Variants in TC2N observed in about 807,000 individuals in gnomAD.
The protein encoded by TC2N is tandem C2 domains nuclear protein.
TC2N carries 51 observed loss-of-function variants against 61.9 expected under a neutral mutation model. The ratio of observed to expected loss-of-function variants is 0.82; its 90% CI spans 0.66 to 1.04. TC2N has a LOEUF of 1.04. Ranked by LOEUF, TC2N falls within the 50% of genes least tolerant of loss-of-function variation. The probability of loss-of-function intolerance (pLI) is 0.00; values close to 1 mark genes in which losing one functional copy is unlikely to be tolerated. For synonymous variants in TC2N, 204 were observed against 192.6 expected, an observed-to-expected ratio of 1.06 and a Z score of -0.49; for missense variants, 556 against 566.7, an observed-to-expected ratio of 0.98 and a Z score of 0.19.
intron 1 of TC2N, among the ~76,000 whole-genome samples, chr14:91,823,793 C>T (rs1004093101): frequency 2.0e-5 from 3 of 152,120 alleles, no homozygotes; most frequent in Non-Finnish European, 2.9e-5. Flanking sequence ...TAAAAGTATA[C>T]TGCCTATGTT....
intron 1 of TC2N, among the ~76,000 whole-genome samples, chr14:91,821,858 T>G (rs1271850011): frequency 6.6e-6 from 1 of 151,884 alleles, no homozygotes; most frequent in East Asian, 1.9e-4. Context: ...GAAAAGACAC[T>G]TCTCCAAAAA....
At chr14:91,828,693 T>C (rs1368157896) in intron 1 of TC2N, among the ~76,000 whole-genome samples, 1 of 152,076 alleles carries the variant, frequency 6.6e-6, no homozygotes, top group African/African-American at 2.4e-5. Flanking sequence ...CAATAGAGTT[T>C]ATCATAATAG....
chr14:91,802,181 C>T, intron 4 of TC2N, 73 bp downstream of exon 4: 106 of 1,309,698 alleles, frequency 8.1e-5, no homozygotes, highest in South Asian at 3.1e-4. Context: ...TCATTTATTC[C>T]CATATCTTAC....
chr14:91,787,417 C>G, intron 10 of TC2N, 96 bp downstream of exon 10: 1 of 669,740 alleles, frequency 1.5e-6, no homozygotes, highest in Non-Finnish European at 2.4e-6. Flanking sequence ...ATAAAAGTTA[C>G]TAAGATTTTA....
intron 3 of TC2N, among the ~76,000 whole-genome samples, chr14:91,809,668 T>G (rs900026774): frequency 2.6e-5 from 4 of 152,148 alleles, no homozygotes; most frequent in African/African-American, 9.7e-5. Context: ...GCAGGGTATA[T>G]AAAACCCCAA....
In TC2N at chr14:91,802,536, CAT is replaced by C; in HGVS notation, c.302-117_302-116del. 5 of 862,560 alleles carry C rather than the reference CAT, an allele frequency of 5.8e-6. No individual in the cohort carries two copies. In the South Asian group the frequency reaches 8.1e-5, roughly 14 times the overall value. The allele number at this position is 862,560 out of a possible 1,614,324, so 53.4% of individuals were successfully genotyped here. ...TTTTGTCTCAAGTAATACTAAATCA[CAT>C]GTCTTTGATAGCTAAAAAGATCAGC... On this transcript the variant is annotated intron_variant, in intron 3 of 11. Transcript: ENST00000435962.
chr14:91,798,526 T>A, intron 6 of TC2N, 127 bp from the exon 7 acceptor site: 1 of 617,712 alleles, frequency 1.6e-6, no homozygotes, highest in Non-Finnish European at 2.8e-6. Context: ...AAGTTCACAA[T>A]CTAAGAAGAC....
intron 1 of TC2N, among the ~76,000 whole-genome samples, chr14:91,856,081 G>A (rs538231911): frequency 1.3e-5 from 2 of 152,156 alleles, no homozygotes; most frequent in Admixed American, 6.5e-5. Flanking sequence ...GTGGAGAGAT[G>A]AGCATGAAAG....
In TC2N at chr14:91,837,219, A is replaced by G. The variant is rs146045973; in HGVS notation, c.-56-23394T>C. Among the ~76,000 whole-genome samples, 80 of 152,222 alleles carry G rather than the reference A, an allele frequency of 5.3e-4. No individual in the cohort carries two copies. The East Asian group carries it at 0.013, about 25-fold the overall frequency. On this transcript the variant is annotated intron_variant, in intron 1 of 11. Transcript: ENST00000435962. The surrounding 1 kb of genome is among the most constrained non-coding windows in gnomAD (Gnocchi z 4.2). The stretch of plus-strand genomic sequence containing the variant: ...ACTGTCTGATGAAGAATGGCTTAGC[A>G]TTTTTTGTTTGTTTTGTTTTGACAG...
intron 1 of TC2N, among the ~76,000 whole-genome samples, chr14:91,850,215 C>T (rs934516201): frequency 8.6e-5 from 13 of 151,990 alleles, no homozygotes; most frequent in African/African-American, 2.9e-4. Context: ...AATTGTTGCC[C>T]TAGCAACCTC....
intron 1 of TC2N, among the ~76,000 whole-genome samples, chr14:91,853,310 G>A (rs1888411397): frequency 6.6e-6 from 1 of 152,214 alleles, no homozygotes; most frequent in Non-Finnish European, 1.5e-5. Context: ...TAATGAAGGT[G>A]AGAGAGGAAG....
chr14:91,794,463 G>T (rs558031877), intron 8 of TC2N, among the ~76,000 whole-genome samples: 38 of 152,242 alleles, frequency 2.5e-4, no homozygotes, highest in Admixed American at 1.4e-3. Context: ...CTTGTTAGGG[G>T]CTAATGCAAT....
At chr14:91,813,118 T>C (rs1473099536) in intron 2 of TC2N, among the ~76,000 whole-genome samples, 3 of 151,724 alleles carry the variant, frequency 2.0e-5, no homozygotes, top group African/African-American at 7.3e-5. Flanking sequence ...TACTCAAATA[T>C]ACTATGAAGC....
intron 1 of TC2N, among the ~76,000 whole-genome samples, chr14:91,862,841 T>A (rs922403555): frequency 6.6e-6 from 1 of 152,194 alleles, no homozygotes; most frequent in African/African-American, 2.4e-5. Context: ...TTTAATCTCA[T>A]TGAAGGCCCT....
At chr14:91,848,170 C>G (rs1888305078) in intron 1 of TC2N, among the ~76,000 whole-genome samples, 1 of 152,140 alleles carries the variant, frequency 6.6e-6, no homozygotes, top group African/African-American at 2.4e-5. Context: ...CAGGCCTATC[C>G]CTTAAATTGA....
In TC2N at chr14:91,799,016, T is replaced by C; in HGVS notation, c.610A>G (p.Asn204Asp). The C allele has an allele frequency of 6.2e-7, 1 of 1,600,312 alleles. No individual in the cohort carries two copies. Among genetic ancestry groups the C allele is most frequent in the Non-Finnish European group, 8.5e-7 (1 of 1,174,040 alleles). ...SVPSSSSSRK[N>D]SQGSNRSLDT... ...AGGCTTCTGTTACTCCCCTGAGAAT[T>C]TTTCCTTGAAGAAGAACTACTGGGT... The change falls in exon 6 of 12, where the codon AAT (asparagine) becomes GAT (aspartate). Residue 204 changes from asparagine (N) to aspartate (D), a missense_variant. Transcript: ENST00000435962.
At chr14:91,858,072 C>T (rs1156508112) in intron 1 of TC2N, among the ~76,000 whole-genome samples, 2 of 151,846 alleles carry the variant, frequency 1.3e-5, no homozygotes, top group Non-Finnish European at 2.9e-5. Flanking sequence ...CTTAAGTGAT[C>T]CTCTCACTTC....
chr14:91,822,613 G>A (rs1379943397), intron 1 of TC2N, among the ~76,000 whole-genome samples: 4 of 152,084 alleles, frequency 2.6e-5, no homozygotes, highest in South Asian at 2.1e-4. Flanking sequence ...AGGCTGCCTC[G>A]GGACAGTGAG....
At chr14:91,863,132 A>G (rs1888627804) in intron 1 of TC2N, among the ~76,000 whole-genome samples, 1 of 152,272 alleles carries the variant, frequency 6.6e-6, no homozygotes, top group Non-Finnish European at 1.5e-5. Context: ...GGAAACCTCC[A>G]TGAGATCTTT....
Sources: gnomAD v4.1 joint callset for allele counts (sites outside exome capture counted in the v4.1 genomes callset) on GRCh38, gnomAD v4.1.1 for gene constraint, Gnocchi (gnomAD v3.1) non-coding constraint, MANE v1.5 for transcripts, NCBI Gene and HGNC (gene_info 2026-07-23, HGNC 2026-07-21) for gene names.